Variants in SLC35F5 observed in about 807,000 individuals in gnomAD.
SLC35F5 encodes HCV NS5A-transactivated protein 3.
Under a neutral mutation model 68.6 loss-of-function variants are expected in SLC35F5, and 54 were observed. The observed-to-expected ratio is 0.79, with a 90% CI of 0.63 to 0.99. The LOEUF is 0.99. Ranked by LOEUF, SLC35F5 falls within the 50% of genes least tolerant of loss-of-function variation. The probability of loss-of-function intolerance (pLI) is 0.00; values close to 1 mark genes in which losing one functional copy is unlikely to be tolerated. For missense variants in SLC35F5, 567 were observed against 626.9 expected (o/e 0.90, Z 1.02); for synonymous variants, 211 against 205.2 (o/e 1.03, Z -0.24).
intron 9 of SLC35F5, chr2:113,733,478 C>T (rs1483678862): frequency 1.1e-5 from 3 of 266,204 alleles, no homozygotes; most frequent in Non-Finnish European, 2.4e-5. Flanking sequence ...ACCTCATTTA[C>T]TTCTCCAATA....
At chr2:113,747,842 A>G (rs1187267834) in intron 4 of SLC35F5, among the ~76,000 whole-genome samples, 2 of 152,248 alleles carry the variant, frequency 1.3e-5, no homozygotes, top group African/African-American at 4.8e-5. Flanking sequence ...CTGTAATCCC[A>G]GCACTCTGGG....
chr2:113,715,256 A>T (rs767864161), intron 15 of SLC35F5, 61 bp from the exon 16 acceptor site: 8 of 152,234 alleles, frequency 5.3e-5, no homozygotes, highest in Non-Finnish European at 7.4e-5. Context: ...AGTTTTCTAT[A>T]GTTTACATTT....
Position 113,746,276 on chromosome 2 carries a change from C to A in SLC35F5, c.480+1G>T. The stretch of plus-strand genomic sequence containing the variant: ...TTCCTGACAAGAAAAGAAGCACTTA[C>A]CAAAGAACTATTCATAGTTGTATCT... On this transcript the variant is annotated splice_donor_variant, in intron 5 of 15. Transcript: ENST00000245680. LOFTEE classifies it high-confidence loss of function. 1 of 1,612,390 alleles carries A rather than the reference C, an allele frequency of 6.2e-7. No homozygotes were observed. The highest frequency in any genetic ancestry group is 1.3e-5 in the African/African-American group (1 of 75,008).
intron 1 of SLC35F5, chr2:113,756,133 C>A: frequency 6.9e-7 from 1 of 1,445,654 alleles, no homozygotes; most frequent in Admixed American, 2.8e-5. Context: ...ACAGTTAAGG[C>A]AGCGACGCCT....
rs1390459255 is a variant in SLC35F5 at position 113,719,032 on chromosome 2, CAT to C, written c.1496+120_1496+121del. ...ATTATTTTATTTTCATCTGCCGTAA[CAT>C]ATAAGTTATCATCTTTCAATAATTC... On this transcript the variant is annotated intron_variant, in intron 14 of 15. Coordinates refer to ENST00000245680, the MANE Select transcript of SLC35F5 (RefSeq NM_025181.5). 6.0e-6 allele frequency: 5 copies of C among 837,874 alleles called. No homozygotes were observed. In the African/African-American group the frequency reaches 8.9e-5, roughly 15 times the overall value. 51.9% of individuals were successfully genotyped at this position (837,874 alleles called of 1,614,324 possible). A position where few individuals can be genotyped will look rare whatever the true frequency, so the allele number is the denominator to read the frequency against.
chr2:113,704,684 T>C (rs1404511103), downstream of SLC35F5, among the ~76,000 whole-genome samples: 1 of 151,508 alleles, frequency 6.6e-6, no homozygotes, highest in Non-Finnish European at 1.5e-5. Context: ...CGGCAGGGCC[T>C]GCCGGCCGCT....
chr2:113,741,038 T>C (rs924323943), intron 7 of SLC35F5, among the ~76,000 whole-genome samples: 16 of 152,250 alleles, frequency 1.1e-4, no homozygotes, highest in African/African-American at 3.6e-4. Context: ...CAAGCATCTA[T>C]TGACAGAATA....
chr2:113,717,531 T>C (rs1284940035), intron 15 of SLC35F5: 11 of 362,504 alleles, frequency 3.0e-5, no homozygotes, highest in African/African-American at 2.1e-4. Flanking sequence ...TCTACTGTAA[T>C]CCCATTTCAC....
At chr2:113,744,174 G>A (rs753890333) in intron 5 of SLC35F5, among the ~76,000 whole-genome samples, 17 of 152,082 alleles carry the variant, frequency 1.1e-4, no homozygotes, top group African/African-American at 3.6e-4. Context: ...TATGTCAGAC[G>A]CTGTTCTAAG....
In SLC35F5 at chr2:113,709,896, C is replaced by A. The variant is rs751360722; in HGVS notation, c.*5322G>T. Among the ~76,000 whole-genome samples, 1 of 152,134 alleles carries A rather than the reference C, an allele frequency of 6.6e-6. No homozygotes were observed. The highest frequency in any genetic ancestry group is 2.4e-5 in the African/African-American group (1 of 41,408). ...GCCCAATAATAACTCACTGCAGCCT[C>A]GAACTCCTGGGTTCAAGTGATCCTC... On this transcript the variant is annotated 3_prime_UTR_variant, in exon 16 of 16. Coordinates refer to ENST00000245680, the MANE Select transcript of SLC35F5 (RefSeq NM_025181.5).
At chr2:113,704,736 G>A (rs1007375369), downstream of SLC35F5, among the ~76,000 whole-genome samples, 3 of 151,944 alleles carry the variant, frequency 2.0e-5, no homozygotes, top group Non-Finnish European at 4.4e-5. Context: ...CCCAGAACTC[G>A]CGCTGGCCCG....
chr2:113,703,575 C>T (rs1014472421), downstream of SLC35F5: 2 of 152,172 alleles, frequency 1.3e-5, no homozygotes, highest in African/African-American at 4.8e-5. Context: ...ACCTAATGCC[C>T]TCTGAGACAT....
Position 113,719,232 on chromosome 2 carries a change from T to C in SLC35F5, c.1418A>G (p.His473Arg), listed in dbSNP as rs200760670. The C allele has an allele frequency of 1.1e-4, 172 of 1,606,832 alleles. No individual in the cohort carries two copies. Among genetic ancestry groups the C allele is most frequent in the South Asian group, 1.1e-5 (1 of 89,904 alleles). ...FSFFIVTLLC[H>R]YNNWDPVMVG... ...CATCACAGGATCCCAATTATTATAA[T>C]GGCATAGGAGAGTTACAATAAAAAA... Residue 473 changes from histidine to arginine, a missense_variant, in exon 14 of 16, where the codon CAT (histidine) becomes CGT (arginine). By Grantham distance (29) the His-to-Arg change is conservative. Transcript: ENST00000245680.
downstream of SLC35F5, chr2:113,703,562 T>A (rs1331370013): frequency 2.0e-5 from 3 of 152,236 alleles, no homozygotes; most frequent in Non-Finnish European, 2.9e-5. Context: ...CCAGCTTCAA[T>A]TAACCTAATG....
At chr2:113,718,487 A>C (rs1687263343) in intron 14 of SLC35F5, among the ~76,000 whole-genome samples, 2 of 152,244 alleles carry the variant, frequency 1.3e-5, no homozygotes, top group Non-Finnish European at 2.9e-5. Flanking sequence ...TTCTATATTT[A>C]AGTTTGTTAT....
rs1574201093 is a variant in SLC35F5, at chr2:113,713,455, G to A, written c.*1763C>T. ...TCAGTTTCACCTCCACTACTTCAACGATTTTACCCTGTAAATTGCTGAAGG... is the reference window on the plus strand; with the variant it reads ...TCAGTTTCACCTCCACTACTTCAACAATTTTACCCTGTAAATTGCTGAAGG... On this transcript the variant is annotated 3_prime_UTR_variant, in exon 16 of 16. Transcript: ENST00000245680. 6.6e-6 allele frequency: 1 copy of A among 152,098 alleles called. No individual in the cohort carries two copies. The highest frequency in any genetic ancestry group is 2.1e-4 in the South Asian group (1 of 4,820). The allele number at this position is 152,098 out of a possible 1,614,324, so 9.4% of individuals were successfully genotyped here. A position where few individuals can be genotyped will look rare whatever the true frequency, so the allele number is the denominator to read the frequency against.
At chr2:113,742,364 C>G (rs1676310222) in intron 7 of SLC35F5, 1 of 390,596 alleles carries the variant, frequency 2.6e-6, no homozygotes, top group Non-Finnish European at 4.6e-6. Context: ...ATACATATAT[C>G]ACAGTGTAAA....
chr2:113,756,443 GC>G lies in SLC35F5; in HGVS notation c.-35del. 1 of 1,540,002 alleles carries G rather than the reference GC, an allele frequency of 6.5e-7. No homozygotes were observed. The highest frequency in any genetic ancestry group is 8.7e-7 in the Non-Finnish European group (1 of 1,145,418). ...CGGTCAGGCCCCGCAGCCGCCCAGC[GC>G]CACGGCCGCGGCCTCGGACTCACAG... On this transcript the variant is annotated 5_prime_UTR_variant, in exon 1 of 16. Transcript: ENST00000245680.
chr2:113,728,540 C>A (rs1687754991), intron 11 of SLC35F5, among the ~76,000 whole-genome samples: 1 of 152,152 alleles, frequency 6.6e-6, no homozygotes. Flanking sequence ...AGAACTAGAC[C>A]CCTGCATGCA....
Sources: gnomAD v4.1 joint callset for allele counts (sites outside exome capture counted in the v4.1 genomes callset) on GRCh38, gnomAD v4.1.1 for gene constraint, MANE v1.5 for transcripts, NCBI Gene and HGNC (gene_info 2026-07-23, HGNC 2026-07-21) for gene names.